Variants in TMEM132B observed in about 807,000 individuals in gnomAD.
TMEM132B encodes transmembrane protein 132B.
Under a neutral mutation model 90.8 loss-of-function variants are expected in TMEM132B, and 18 were observed. That is an observed-to-expected ratio of 0.20 (90% CI 0.14 to 0.29). The LOEUF is 0.29. Ranked by LOEUF, TMEM132B falls within the 10% of genes least tolerant of loss-of-function variation. The pLI, the probability that TMEM132B is intolerant of heterozygous loss-of-function variation, is 1.00. For synonymous variants in TMEM132B, 504 were observed against 523.3 expected (o/e 0.96, Z 0.50); for missense variants, 1,096 against 1,326.8 (o/e 0.83, Z 2.70).
In TMEM132B at chr12:125,415,575, G is replaced by T; in HGVS notation, c.1004G>T (p.Ser335Ile). The T allele has an allele frequency of 6.2e-7, 1 of 1,614,212 alleles. No individual in the cohort carries two copies. The highest frequency in any genetic ancestry group is 8.5e-7 in the Non-Finnish European group (1 of 1,180,044). ...AGVKITAVRV[S>I]SEDQWAVQEE... ...GTGAAGATAACGGCAGTGAGAGTCAGCAGTGAGGACCAATGGGCAGTCCAG... is the reference window on the plus strand; with the variant it reads ...GTGAAGATAACGGCAGTGAGAGTCATCAGTGAGGACCAATGGGCAGTCCAG... Residue 335 changes from serine to isoleucine, a missense_variant, in exon 3 of 9, where the codon AGC becomes ATC. Physicochemically the swap from Ser to Ile is moderately radical, Grantham distance 142. Coordinates refer to ENST00000682704, the MANE Select transcript of TMEM132B (RefSeq NM_001366854.1). The surrounding 1 kb of genome is among the most constrained non-coding windows in gnomAD (Gnocchi z 5.3).
At chr12:125,643,637 C>T (rs1886684686) in intron 5 of TMEM132B, among the ~76,000 whole-genome samples, 1 of 152,168 alleles carries the variant, frequency 6.6e-6, no homozygotes, top group Non-Finnish European at 1.5e-5. Flanking sequence ...CCTGATTTTT[C>T]AGAGAACCTC....
At chr12:125,265,931 A>G (rs964016682) in intron 1 of TMEM132B, among the ~76,000 whole-genome samples, 2 of 152,144 alleles carry the variant, frequency 1.3e-5, no homozygotes, top group Non-Finnish European at 2.9e-5. Flanking sequence ...AGGATTATAT[A>G]TTAAAAAAAA....
Position 125,655,914 on chromosome 12 carries a change from A to T in TMEM132B, c.*1204A>T, listed in dbSNP as rs773794730. 4 of 152,208 alleles carry T rather than the reference A, an allele frequency of 2.6e-5. No individual in the cohort carries two copies. Among genetic ancestry groups the T allele is most frequent in the Non-Finnish European group, 5.9e-5 (4 of 68,030 alleles). The allele number at this position is 152,208 out of a possible 1,614,324, so 9.4% of individuals were successfully genotyped here. A position where few individuals can be genotyped will look rare whatever the true frequency, so the allele number is the denominator to read the frequency against. ...ATCATGACTTTGGCAGAGATAAAAC[A>T]TTGACAAGGGTGTGCATTTGTGGAG... On this transcript the variant is annotated 3_prime_UTR_variant, in exon 9 of 9. Transcript: ENST00000682704.
chr12:125,538,763 T>G (rs1173155685), intron 4 of TMEM132B, among the ~76,000 whole-genome samples: 1 of 152,196 alleles, frequency 6.6e-6, no homozygotes, highest in African/African-American at 2.4e-5. Flanking sequence ...GTTCTTCAAG[T>G]CCCATTCTTT....
At chr12:125,211,486 G>A (rs942420450) in intron 1 of TMEM132B, among the ~76,000 whole-genome samples, 2 of 152,166 alleles carry the variant, frequency 1.3e-5, no homozygotes, top group Admixed American at 6.5e-5. Context: ...AGGCTGCTCC[G>A]AGCAGACCAG....
At chr12:125,293,893 A>G (rs1455124499) in intron 1 of TMEM132B, among the ~76,000 whole-genome samples, 1 of 152,154 alleles carries the variant, frequency 6.6e-6, no homozygotes. Context: ...TTCCAAAGCT[A>G]TGTCCCTAAA....
At chr12:125,494,248 C>G (rs1882452192) in intron 3 of TMEM132B, among the ~76,000 whole-genome samples, 6 of 133,796 alleles carry the variant, frequency 4.5e-5, no homozygotes, top group Non-Finnish European at 6.4e-5. Context: ...GGCCGTGTCC[C>G]TCTTCCCCCT....
At chr12:125,419,301 A>G (rs574895279) in intron 3 of TMEM132B, among the ~76,000 whole-genome samples, 15 of 152,286 alleles carry the variant, frequency 9.8e-5, no homozygotes, top group Non-Finnish European at 1.9e-4. Flanking sequence ...ATTAAGACAT[A>G]CCCAAGACCG....
At chr12:125,430,102 C>T (rs78460832) in intron 3 of TMEM132B, among the ~76,000 whole-genome samples, 10 of 152,228 alleles carry the variant, frequency 6.6e-5, no homozygotes, top group African/African-American at 9.6e-5. Context: ...AGCACTGTAC[C>T]GTGCCTGACA....
At chr12:125,621,662 CA>C (rs1459555400) in intron 5 of TMEM132B, among the ~76,000 whole-genome samples, 1 of 152,150 alleles carries the variant, frequency 6.6e-6, no homozygotes, top group African/African-American at 2.4e-5. Context: ...CCTTGAGTAA[CA>C]ACTATGACTT....
In TMEM132B at chr12:125,492,322, CGCGTGTCCTCCAA is replaced by C. The variant is rs1184163939; in HGVS notation, c.1107-27116_1107-27104del. 6.6e-5 allele frequency among the ~76,000 whole-genome samples: 10 copies of C among 152,356 alleles called. No homozygotes were observed. The South Asian group carries it at 2.1e-3, about 32-fold the overall frequency. ...TGCTCACCATTCCTTAGCGGGCTCT[CGCGTGTCCTCCAA>C]ACACTGCTGCATGCCATGACACAGC... On this transcript the variant is annotated intron_variant, in intron 3 of 8. Coordinates refer to ENST00000682704, the MANE Select transcript of TMEM132B (RefSeq NM_001366854.1). This position sits in a 1 kb window ranked among gnomAD's most constrained non-coding sequence, Gnocchi z 5.8.
chr12:125,190,482 AAGGGG>A (rs1957791679), intron 1 of TMEM132B, among the ~76,000 whole-genome samples: 1 of 89,734 alleles, frequency 1.1e-5, no homozygotes, highest in Non-Finnish European at 2.2e-5. Flanking sequence ...TGGTGGTGGG[AAGGGG>A]TGGTGATGGT....
intron 1 of TMEM132B, among the ~76,000 whole-genome samples, chr12:125,234,692 GATCAGATA>G (rs2136085935): frequency 6.6e-6 from 1 of 152,260 alleles, no homozygotes; most frequent in East Asian, 1.9e-4. Context: ...TTCAAGATGG[GATCAGATA>G]GGTCCTTGGC....
chr12:125,384,414 G>A (rs1299239735), intron 2 of TMEM132B, among the ~76,000 whole-genome samples: 3 of 151,978 alleles, frequency 2.0e-5, no homozygotes, highest in African/African-American at 7.3e-5. Flanking sequence ...ATTTAAAAAT[G>A]TTTATTAAAA....
At chr12:125,496,125 A>G (rs935857892) in intron 3 of TMEM132B, among the ~76,000 whole-genome samples, 5 of 152,016 alleles carry the variant, frequency 3.3e-5, no homozygotes, top group African/African-American at 1.2e-4. Context: ...CAGCCACTTA[A>G]CTCCAGTTTT....
chr12:125,425,818 T>TACTGAG (rs1880301882), intron 3 of TMEM132B, among the ~76,000 whole-genome samples: 1 of 152,222 alleles, frequency 6.6e-6, no homozygotes, highest in Non-Finnish European at 1.5e-5. Flanking sequence ...TTCCATTGCC[T>TACTGAG]GGATGGACCA....
intron 2 of TMEM132B, among the ~76,000 whole-genome samples, chr12:125,385,400 T>C (rs1878801828): frequency 6.6e-6 from 1 of 152,250 alleles, no homozygotes; most frequent in Non-Finnish European, 1.5e-5. Flanking sequence ...CCGCAGAGCC[T>C]CACCATGTCT....
chr12:125,240,174 C>T (rs1166213889), intron 1 of TMEM132B, among the ~76,000 whole-genome samples: 5 of 152,146 alleles, frequency 3.3e-5, no homozygotes, highest in Admixed American at 2.0e-4. Context: ...TCTGCTTCAC[C>T]GAACTGGAGT....
chr12:125,502,690 A>G (rs76019137), intron 3 of TMEM132B, among the ~76,000 whole-genome samples: 4,513 of 152,314 alleles, frequency 0.03, 232 homozygotes, highest in African/African-American at 0.1. Flanking sequence ...TTTGCGTGTT[A>G]ACTGTTTCTT....
Sources: allele counts gnomAD v4.1 joint callset (sites outside exome capture counted in the v4.1 genomes callset), GRCh38; gene constraint gnomAD v4.1.1; non-coding constraint Gnocchi (gnomAD v3.1); transcripts MANE v1.5; gene names NCBI Gene and HGNC (gene_info 2026-07-23, HGNC 2026-07-21).